The following MALRD1 variants were observed in gnomAD, a reference collection of about 807,000 sequenced individuals.
The protein encoded by MALRD1 is MAM and LDL-receptor class A domain-containing protein 1.
Under a neutral mutation model 242.1 loss-of-function variants are expected in MALRD1, and 247 were observed. That is an observed-to-expected ratio of 1.02 (90% CI 0.92 to 1.13). The LOEUF (loss-of-function observed/expected upper bound fraction) is 1.13. Among genes scored for constraint, MALRD1 ranks in the 50% most tolerant of loss-of-function variants. The pLI is 0.00. For missense variants in MALRD1, 2,989 were observed against 2,533.1 expected, an observed-to-expected ratio of 1.18 and a Z score of -3.86; for synonymous variants, 995 against 866.6, an observed-to-expected ratio of 1.15 and a Z score of -2.60.
Position 19,531,345 on chromosome 10 carries a change from A to G in MALRD1, c.5472A>G (p.Ile1824Met), listed in dbSNP as rs758510969. The G allele has an allele frequency of 3.9e-6, 6 of 1,537,136 alleles. No homozygotes were observed. Among genetic ancestry groups the G allele is most frequent in the Non-Finnish European group, 2.6e-6 (3 of 1,138,098 alleles). ...TGATTGATCCCAGGAGTATGGGAATATTAAAGGTACAAAAGGAAGCCAGAG... is the reference window on the plus strand; with the variant it reads ...TGATTGATCCCAGGAGTATGGGAATGTTAAAGGTACAAAAGGAAGCCAGAG... ...FYMIDPRSMG[I>M]LKVYTIEESG... The change falls in exon 32 of 40, where the codon ATA becomes ATG. Residue 1824 changes from isoleucine (I) to methionine (M), a missense_variant. By Grantham distance (10) the Ile-to-Met change is conservative (BLOSUM62 1). Transcript: ENST00000454679.
chr10:19,697,983 C>A (rs889954938), intron 38 of MALRD1, among the ~76,000 whole-genome samples: 1 of 152,194 alleles, frequency 6.6e-6, no homozygotes, highest in Non-Finnish European at 1.5e-5. Flanking sequence ...AGATGTCATT[C>A]ATTTCCAAGG....
intron 33 of MALRD1, among the ~76,000 whole-genome samples, chr10:19,589,911 A>G (rs1837671882): frequency 6.6e-6 from 1 of 152,166 alleles, no homozygotes; most frequent in African/African-American, 2.4e-5. Context: ...TCTTCTACAC[A>G]GTAATTGTCT....
At chr10:19,306,606 T>C (rs1289012290) in intron 21 of MALRD1, among the ~76,000 whole-genome samples, 2 of 148,794 alleles carry the variant, frequency 1.3e-5, no homozygotes, top group African/African-American at 5.0e-5. Flanking sequence ...CTTAATTGTG[T>C]ATATATATAT....
At chr10:19,363,127 A>C (rs530111311) in intron 26 of MALRD1, among the ~76,000 whole-genome samples, 20 of 152,184 alleles carry the variant, frequency 1.3e-4, no homozygotes, top group African/African-American at 3.6e-4. Flanking sequence ...CTAAGCTTTG[A>C]GGGAGGCCTG....
At position 19,223,053 on chromosome 10, in the gene MALRD1, T is replaced by C. The variant is rs912815595; in HGVS notation, c.2991+13373T>C. 4.6e-5 allele frequency among the ~76,000 whole-genome samples: 7 copies of C among 152,318 alleles called. No homozygotes were observed. In the East Asian group the frequency reaches 1.3e-3, roughly 29 times the overall value. ...CTTCCAGAACTGCTTATGGAACATA[T>C]CAACTCACTATAGATTAGGGACATA... On this transcript the variant is annotated intron_variant, in intron 18 of 39. Coordinates refer to ENST00000454679, the MANE Select transcript of MALRD1 (RefSeq NM_001142308.3).
chr10:19,213,867 G>A (rs1471294691), intron 18 of MALRD1, among the ~76,000 whole-genome samples: 1 of 152,120 alleles, frequency 6.6e-6, no homozygotes, highest in Admixed American at 6.5e-5. Flanking sequence ...AAATTCATTA[G>A]GTGGGATCAG....
chr10:19,387,479 ATGTG>A, intron 26 of MALRD1, 45 bp from the exon 27 acceptor site: 1 of 1,514,774 alleles, frequency 6.6e-7, no homozygotes, highest in Non-Finnish European at 8.8e-7. Context: ...ACCTCACTGA[ATGTG>A]TTAGGAGTGT....
intron 36 of MALRD1, among the ~76,000 whole-genome samples, chr10:19,620,718 A>G (rs1211974410): frequency 6.6e-6 from 1 of 152,074 alleles, no homozygotes; most frequent in African/African-American, 2.4e-5. Flanking sequence ...CTAATGTATA[A>G]CTGAGATTGC....
intron 2 of MALRD1, 84 bp from the exon 3 acceptor site, chr10:19,087,756 T>C: frequency 1.9e-6 from 1 of 540,264 alleles, no homozygotes; most frequent in Non-Finnish European, 2.8e-6. Flanking sequence ...TTATTGACTA[T>C]AGTCATCCCA....
At chr10:19,160,202 T>C in intron 12 of MALRD1, among the ~76,000 whole-genome samples, 1 of 152,092 alleles carries the variant, frequency 6.6e-6, no homozygotes, top group East Asian at 1.9e-4. Context: ...AGGCTTTTTC[T>C]GCATCTATTG....
chr10:19,677,519 G>A (rs1842184771), intron 36 of MALRD1, among the ~76,000 whole-genome samples: 1 of 151,592 alleles, frequency 6.6e-6, no homozygotes, highest in Admixed American at 6.6e-5. Context: ...GGTTGTTTGG[G>A]GTTTATTTTT....
At chr10:19,247,167 G>A (rs9299699) in intron 18 of MALRD1, among the ~76,000 whole-genome samples, 12,806 of 152,020 alleles carry the variant, frequency 0.084, 719 homozygotes, top group African/African-American at 0.16. Flanking sequence ...TGCAAATGGA[G>A]TTTTTTTAAA....
At chr10:19,238,462 TAATATAATATATAATATAC>T (rs1838546306) in intron 18 of MALRD1, among the ~76,000 whole-genome samples, 14 of 34,832 alleles carry the variant, frequency 4.0e-4, no homozygotes, top group African/African-American at 2.0e-3. Context: ...ATATAATATA[TAATATAATATATAATATAC>T]ATTATATATA....
In MALRD1 at chr10:19,611,948, T is replaced by A. The variant is rs60167631; in HGVS notation, c.6071-3909T>A. 5.4e-3 allele frequency among the ~76,000 whole-genome samples: 822 copies of A among 152,124 alleles called. 14 individuals carry two copies. Among genetic ancestry groups the A allele is most frequent in the East Asian group, 0.031 (159 of 5,150 alleles). The stretch of plus-strand genomic sequence containing the variant: ...CTCCACTATAGAGCATAAAAATGCA[T>A]ATTTAGATTCACACAGAATTATTCT... On this transcript the variant is annotated intron_variant, in intron 35 of 39. Coordinates refer to ENST00000454679, the MANE Select transcript of MALRD1 (RefSeq NM_001142308.3).
rs569333444 is a variant in MALRD1, at chr10:19,684,828, C to A, written c.6138-7454C>A. Among the ~76,000 whole-genome samples the A allele has an allele frequency of 1.3e-4, 20 of 152,158 alleles. No homozygotes were observed. The East Asian group carries it at 2.9e-3, about 22-fold the overall frequency. On this transcript the variant is annotated intron_variant, in intron 36 of 39. Transcript: ENST00000454679. ...TGTACTGTGAAACAAAATTATAAAT[C>A]GAATCTGGAATATATTCCAAACATA...
chr10:19,303,350 G>C (rs1842032166), intron 21 of MALRD1, among the ~76,000 whole-genome samples: 1 of 151,604 alleles, frequency 6.6e-6, no homozygotes, highest in South Asian at 2.1e-4. Flanking sequence ...ATAGTACCAA[G>C]TTTGGGTATC....
At chr10:19,166,640 T>C (rs1358934848) in intron 13 of MALRD1, among the ~76,000 whole-genome samples, 2 of 152,182 alleles carry the variant, frequency 1.3e-5, no homozygotes, top group African/African-American at 4.8e-5. Context: ...TTACCTTTAT[T>C]TGATAGTGAC....
chr10:19,697,780 T>C (rs1346451809), intron 38 of MALRD1, among the ~76,000 whole-genome samples: 1 of 152,192 alleles, frequency 6.6e-6, no homozygotes, highest in African/African-American at 2.4e-5. Context: ...TCCTTTCTCT[T>C]TGCTTCTTAC....
chr10:19,282,439 A>G (rs1840863691), intron 20 of MALRD1, among the ~76,000 whole-genome samples: 2 of 152,198 alleles, frequency 1.3e-5, no homozygotes, highest in African/African-American at 2.4e-5. Context: ...TCAGCAGTGG[A>G]AGATTTTAGA....
Sources: gnomAD v4.1 joint callset for allele counts (sites outside exome capture counted in the v4.1 genomes callset) on GRCh38, gnomAD v4.1.1 for gene constraint, MANE v1.5 for transcripts, NCBI Gene and HGNC (gene_info 2026-07-23, HGNC 2026-07-21) for gene names.